Variants in DLG2 observed in about 807,000 individuals in gnomAD.
The protein encoded by DLG2 is discs large MAGUK scaffold protein 2.
Under a neutral mutation model 132.5 loss-of-function variants are expected in DLG2, and 45 were observed. The observed-to-expected ratio is 0.34, with a 90% CI of 0.27 to 0.44. DLG2 has a LOEUF of 0.44. Ranked by LOEUF, DLG2 falls within the 20% of genes least tolerant of loss-of-function variation. The pLI is 1.00. For synonymous variants in DLG2, 424 were observed against 419.6 expected, an observed-to-expected ratio of 1.01 and a Z score of -0.13; for missense variants, 1,045 against 1,196.9, an observed-to-expected ratio of 0.87 and a Z score of 1.87.
At chr11:85,047,438 C>A (rs1471729304) in intron 6 of DLG2, among the ~76,000 whole-genome samples, 4 of 151,888 alleles carry the variant, frequency 2.6e-5, no homozygotes, top group African/African-American at 9.7e-5. Flanking sequence ...AGTCATTGTA[C>A]TAAACAATGA....
At chr11:85,490,337 A>G (rs2093527866) in intron 3 of DLG2, among the ~76,000 whole-genome samples, 1 of 152,052 alleles carries the variant, frequency 6.6e-6, no homozygotes, top group African/African-American at 2.4e-5. Context: ...GAAAGTAGAA[A>G]AATTACAACT....
At chr11:84,794,414 T>G (rs1449970842) in intron 6 of DLG2, among the ~76,000 whole-genome samples, 1 of 152,094 alleles carries the variant, frequency 6.6e-6, no homozygotes, top group South Asian at 2.1e-4. Flanking sequence ...CAGTGGGAGC[T>G]GGGAACAGGC....
At chr11:84,075,070 A>G (rs1356487251) in intron 10 of DLG2, among the ~76,000 whole-genome samples, 1 of 151,878 alleles carries the variant, frequency 6.6e-6, no homozygotes, top group East Asian at 1.9e-4. Flanking sequence ...ACTTGTACTT[A>G]TTGTTTCCCC....
At chr11:83,881,126 T>C (rs1458271639) in intron 15 of DLG2, among the ~76,000 whole-genome samples, 1 of 152,218 alleles carries the variant, frequency 6.6e-6, no homozygotes, top group Non-Finnish European at 1.5e-5. Flanking sequence ...GAACTCATAG[T>C]TCCAGATGTG....
At chr11:85,108,819 A>C (rs1423059785) in intron 6 of DLG2, among the ~76,000 whole-genome samples, 1 of 152,070 alleles carries the variant, frequency 6.6e-6, no homozygotes, top group East Asian at 1.9e-4. Flanking sequence ...ATCAAAAATA[A>C]ATAAAACAAA....
At chr11:85,155,156 T>C (rs561924630) in intron 4 of DLG2, among the ~76,000 whole-genome samples, 3 of 152,292 alleles carry the variant, frequency 2.0e-5, no homozygotes, top group Non-Finnish European at 4.4e-5. Flanking sequence ...TTACTGACCA[T>C]TATAAAACAG....
intron 18 of DLG2, among the ~76,000 whole-genome samples, chr11:83,669,923 A>C (rs1250453599): frequency 1.3e-5 from 2 of 152,240 alleles, no homozygotes; most frequent in African/African-American, 4.8e-5. Context: ...TAAGAGGGAA[A>C]GATAGTTTAA....
At chr11:85,491,893 C>G (rs11234352) in intron 3 of DLG2, among the ~76,000 whole-genome samples, 1 of 151,884 alleles carries the variant, frequency 6.6e-6, no homozygotes, top group South Asian at 2.1e-4. Flanking sequence ...ATAAAAAAAT[C>G]GTAAAATTCG....
At position 85,458,744 on chromosome 11, in the gene DLG2, T is replaced by G. The variant is rs149220454; in HGVS notation, c.40+139913A>C. 1.8e-4 allele frequency among the ~76,000 whole-genome samples: 27 copies of G among 152,362 alleles called. No individual in the cohort carries two copies. The East Asian group carries it at 4.8e-3, about 27-fold the overall frequency. On this transcript the variant is annotated intron_variant, in intron 3 of 27. Transcript: ENST00000376104. ...TCCAGTAGGTGGCACTTACACATAG[T>G]GGCCTGTAGGCAGCCACTTAATCAA... is the stretch of plus-strand genomic sequence containing the variant.
chr11:84,083,738 C>T (rs1184866698), intron 10 of DLG2, among the ~76,000 whole-genome samples: 1 of 152,136 alleles, frequency 6.6e-6, no homozygotes, highest in Non-Finnish European at 1.5e-5. Flanking sequence ...ACTTGCCAGC[C>T]TCCAGAACCA....
At chr11:85,025,382 G>A (rs942349209) in intron 6 of DLG2, among the ~76,000 whole-genome samples, 2 of 152,120 alleles carry the variant, frequency 1.3e-5, no homozygotes, top group African/African-American at 4.8e-5. Context: ...GACTTTCCTC[G>A]ATGAAATGTT....
intron 18 of DLG2, among the ~76,000 whole-genome samples, chr11:83,785,672 G>A (rs1024692233): frequency 6.6e-6 from 1 of 152,240 alleles, no homozygotes; most frequent in Non-Finnish European, 1.5e-5. Context: ...CAGACCATGT[G>A]ATTGGCCACC....
At position 85,045,655 on chromosome 11, in the gene DLG2, A is replaced by G. The variant is rs574317123; in HGVS notation, c.357+66006T>C. On this transcript the variant is annotated intron_variant, in intron 6 of 27. Coordinates refer to ENST00000376104, the MANE Select transcript of DLG2 (RefSeq NM_001142699.3). ...AATAATTAAACTGGATTTCAAAAGT[A>G]AAACAAAATATTTTAAAAGACCAAG... Among the ~76,000 whole-genome samples, 6 of 152,216 alleles carry G rather than the reference A, an allele frequency of 3.9e-5. No homozygotes were observed. The East Asian group carries it at 9.7e-4, about 25-fold the overall frequency.
At chr11:84,452,132 AAGG>A (rs1567674206) in intron 7 of DLG2, among the ~76,000 whole-genome samples, 4 of 151,604 alleles carry the variant, frequency 2.6e-5, no homozygotes, top group South Asian at 2.1e-4. Context: ...AAGAAGGAAG[AAGG>A]AGGAGGAGGA....
chr11:85,174,814 C>G (rs2079106944), intron 4 of DLG2, among the ~76,000 whole-genome samples: 1 of 151,968 alleles, frequency 6.6e-6, no homozygotes, highest in South Asian at 2.1e-4. Flanking sequence ...ATACAAACAA[C>G]CAAGAGAAAA....
chr11:84,349,618 A>C (rs901736644), intron 7 of DLG2, among the ~76,000 whole-genome samples: 2 of 152,198 alleles, frequency 1.3e-5, no homozygotes, highest in Non-Finnish European at 2.9e-5. Flanking sequence ...CATGTGCCAT[A>C]GTGACTATAA....
At chr11:83,467,949 ACATTATAGCACACCT>A in intron 25 of DLG2, among the ~76,000 whole-genome samples, 1 of 151,346 alleles carries the variant, frequency 6.6e-6, no homozygotes, top group East Asian at 1.9e-4. Flanking sequence ...AAATGCTATT[ACATTATAGCACACCT>A]CATTTAACTT....
intron 6 of DLG2, among the ~76,000 whole-genome samples, chr11:84,651,902 A>G (rs2099682476): frequency 6.6e-6 from 1 of 152,152 alleles, no homozygotes. Context: ...CAATATACAG[A>G]TTTTAATGCC....
chr11:84,877,166 T>C (rs553550005), intron 6 of DLG2, among the ~76,000 whole-genome samples: 1 of 152,242 alleles, frequency 6.6e-6, no homozygotes, highest in South Asian at 2.1e-4. Context: ...ATTCTGTTGA[T>C]TTGGGGTGGA....
Sources: gnomAD v4.1 joint callset for allele counts (sites outside exome capture counted in the v4.1 genomes callset) on GRCh38, gnomAD v4.1.1 for gene constraint, MANE v1.5 for transcripts, NCBI Gene and HGNC (gene_info 2026-07-23, HGNC 2026-07-21) for gene names.